Variants in AFAP1L2 observed in about 807,000 individuals in gnomAD.
AFAP1L2 encodes actin filament associated protein 1 like 2.
A neutral mutation model predicts 99.3 loss-of-function variants in AFAP1L2; 46 were observed. The ratio of observed to expected loss-of-function variants is 0.46; its 90% CI spans 0.37 to 0.59. AFAP1L2 has a LOEUF of 0.59. Ranked by LOEUF, AFAP1L2 falls within the 20% of genes least tolerant of loss-of-function variation. The pLI is 0.00. For synonymous variants in AFAP1L2, 397 were observed against 419.1 expected (o/e 0.95, Z 0.64); for missense variants, 959 against 1,034.9 (o/e 0.93, Z 1.01).
intron 1 of AFAP1L2, among the ~76,000 whole-genome samples, chr10:114,360,402 C>T (rs1227347649): frequency 6.6e-6 from 1 of 152,118 alleles, no homozygotes; most frequent in Non-Finnish European, 1.5e-5. Context: ...GATCCTAGGA[C>T]TTCTCAGCCT....
chr10:114,384,881 C>T (rs2056297333), intron 1 of AFAP1L2, among the ~76,000 whole-genome samples: 1 of 152,228 alleles, frequency 6.6e-6, no homozygotes, highest in Non-Finnish European at 1.5e-5. Context: ...AGATGGGAAA[C>T]TCAACAGAAC....
intron 1 of AFAP1L2, among the ~76,000 whole-genome samples, chr10:114,385,192 G>A (rs1460243488): frequency 1.3e-5 from 2 of 152,152 alleles, no homozygotes; most frequent in East Asian, 1.9e-4. Context: ...TGGACCAGCA[G>A]GGACAGGACA....
Position 114,294,891 on chromosome 10 carries a change from A to ATGTT in AFAP1L2, c.*1147_*1150dup, listed in dbSNP as rs2039945127. On this transcript the variant is annotated 3_prime_UTR_variant, in exon 19 of 19. Coordinates refer to ENST00000304129, the MANE Select transcript of AFAP1L2 (RefSeq NM_001001936.3). Reference sequence around the variant, plus strand: ...TCACCACTTGGTAAAAGGTCACCAAATGTTTATGAGAGAGGAAATAAGAAT... The same window carrying ATGTT: ...TCACCACTTGGTAAAAGGTCACCAAATGTTTGTTTATGAGAGAGGAAATAAGAAT... 2 of 982,692 alleles carry ATGTT rather than the reference A, an allele frequency of 2.0e-6. No homozygotes were observed. The highest frequency in any genetic ancestry group is 1.1e-4 in the East Asian group (1 of 8,696). The allele number at this position is 982,692 out of a possible 1,614,324, so 60.9% of individuals were successfully genotyped here.
intron 7 of AFAP1L2, among the ~76,000 whole-genome samples, chr10:114,311,576 T>C (rs966189709): frequency 1.9e-4 from 29 of 152,330 alleles, no homozygotes; most frequent in African/African-American, 6.5e-4. Flanking sequence ...TCAATACCTT[T>C]GCCACGAGCC....
At chr10:114,329,492 T>C (rs1472585700) in intron 4 of AFAP1L2, among the ~76,000 whole-genome samples, 1 of 152,188 alleles carries the variant, frequency 6.6e-6, no homozygotes, top group Non-Finnish European at 1.5e-5. Flanking sequence ...GGGCAGAAGA[T>C]GGCACTTCCA....
chr10:114,324,366 C>T (rs1317941706), intron 4 of AFAP1L2, among the ~76,000 whole-genome samples: 2 of 150,112 alleles, frequency 1.3e-5, no homozygotes, highest in Non-Finnish European at 2.9e-5. Context: ...GCTACAGTTT[C>T]CCGAGTAGTT....
At position 114,295,141 on chromosome 10, in the gene AFAP1L2, G is replaced by T; in HGVS notation, c.*901C>A. On this transcript the variant is annotated 3_prime_UTR_variant, in exon 19 of 19. Coordinates refer to ENST00000304129, the MANE Select transcript of AFAP1L2 (RefSeq NM_001001936.3). ...ACCACTTTGTTCTTGGAAGGAGAAT[G>T]AACATTAAACAGAACTTAAAATCAG... is the stretch of plus-strand genomic sequence containing the variant. 1 of 985,548 alleles carries T rather than the reference G, an allele frequency of 1.0e-6. No homozygotes were observed. Among genetic ancestry groups the T allele is most frequent in the South Asian group, 4.7e-5 (1 of 21,270 alleles). The allele number at this position is 985,548 out of a possible 1,614,324, so 61.1% of individuals were successfully genotyped here.
At chr10:114,316,469 G>A (rs755634146) in intron 5 of AFAP1L2, among the ~76,000 whole-genome samples, 1 of 152,154 alleles carries the variant, frequency 6.6e-6, no homozygotes, top group Non-Finnish European at 1.5e-5. Flanking sequence ...GACACTGCTT[G>A]CTCTCCCTCC....
chr10:114,339,788 TGGA>T (rs2048521775), intron 2 of AFAP1L2, among the ~76,000 whole-genome samples: 1 of 143,680 alleles, frequency 7.0e-6, no homozygotes, highest in African/African-American at 2.6e-5. Flanking sequence ...CTGAGGTGGA[TGGA>T]TCACCTGAGG....
At chr10:114,369,233 G>T (rs1300802694) in intron 1 of AFAP1L2, among the ~76,000 whole-genome samples, 1 of 152,120 alleles carries the variant, frequency 6.6e-6, no homozygotes, top group Non-Finnish European at 1.5e-5. Flanking sequence ...AAGGTGGTGG[G>T]AAACATTGAA....
chr10:114,341,933 C>T (rs2048885239), intron 1 of AFAP1L2, among the ~76,000 whole-genome samples: 1 of 152,104 alleles, frequency 6.6e-6, no homozygotes, highest in Non-Finnish European at 1.5e-5. Context: ...AGTCTCAGAG[C>T]AGAAGTGAAA....
At chr10:114,360,496 GA>G (rs2052129926) in intron 1 of AFAP1L2, among the ~76,000 whole-genome samples, 2 of 117,078 alleles carry the variant, frequency 1.7e-5, no homozygotes, top group Non-Finnish European at 3.5e-5. Context: ...TAGATAGATA[GA>G]TAGATAGATA....
rs577844915 is a variant in AFAP1L2 at position 114,297,349 on chromosome 10, C to G, written c.2178G>C (p.Glu726Asp). ...GCTCCAGGTCCACGCGCCTGCTCTC[C>G]TCGCCCCGGCACTCCTCGTCAATTT... ...LKEIDEECRG[E>D]ESRRVDLELS... The change falls in exon 17 of 19, where the codon GAG (glutamate) becomes GAC (aspartate). Residue 726 changes from glutamate (E) to aspartate (D), a missense_variant. Glu to Asp is a conservative substitution (Grantham distance 45). Coordinates refer to ENST00000304129, the MANE Select transcript of AFAP1L2 (RefSeq NM_001001936.3). 1.2e-6 allele frequency: 2 copies of G among 1,613,840 alleles called. No individual in the cohort carries two copies. The highest frequency in any genetic ancestry group is 2.7e-5 in the African/African-American group (2 of 75,068).
At chr10:114,374,053 A>G (rs1001367589) in intron 1 of AFAP1L2, among the ~76,000 whole-genome samples, 1 of 152,086 alleles carries the variant, frequency 6.6e-6, no homozygotes, top group Admixed American at 6.5e-5. Context: ...GAGTGACAAC[A>G]CACAGCCCCA....
intron 4 of AFAP1L2, among the ~76,000 whole-genome samples, chr10:114,327,175 T>TATATATATATATATATAGATATATATATA (rs1564880771): frequency 1.8e-5 from 1 of 55,626 alleles, no homozygotes; most frequent in Non-Finnish European, 5.3e-5. Flanking sequence ...ATATATATAT[T>TATATATATATATATATAGATATATATATA]TTTTTTTTAG....
At chr10:114,290,358 C>T (rs527439886), downstream of AFAP1L2, 86 of 1,550,448 alleles carry the variant, frequency 5.5e-5, no homozygotes, top group African/African-American at 4.8e-4. Flanking sequence ...GCCCCCACTG[C>T]GAGAACCGTG....
intron 1 of AFAP1L2, among the ~76,000 whole-genome samples, chr10:114,370,628 G>A (rs902260191): frequency 1.3e-5 from 2 of 152,206 alleles, no homozygotes; most frequent in African/African-American, 4.8e-5. Flanking sequence ...ATACCTAAAT[G>A]CCAGAGAGCT....
chr10:114,310,707 G>A (rs978361292), intron 7 of AFAP1L2, among the ~76,000 whole-genome samples: 2 of 152,278 alleles, frequency 1.3e-5, no homozygotes, highest in South Asian at 4.1e-4. Context: ...GCGAGGGGGG[G>A]CCTTGGCAGC....
At chr10:114,288,440 G>C in the AFAP1L2 span, among the ~76,000 whole-genome samples, 2 of 152,268 alleles carry the variant, frequency 1.3e-5, no homozygotes, top group Non-Finnish European at 2.9e-5. Flanking sequence ...TGAAGGCACA[G>C]GTGAAGATGT....
Sources: gnomAD v4.1 joint callset for allele counts (sites outside exome capture counted in the v4.1 genomes callset) on GRCh38, gnomAD v4.1.1 for gene constraint, MANE v1.5 for transcripts, NCBI Gene and HGNC (gene_info 2026-07-23, HGNC 2026-07-21) for gene names.